TMEM132C: variants seen among roughly 807,000 people sequenced by gnomAD.
TMEM132C encodes protein phosphatase 1, regulatory subunit 152.
A neutral mutation model predicts 61.4 loss-of-function variants in TMEM132C; 29 were observed. The ratio of observed to expected loss-of-function variants is 0.47; its 90% CI spans 0.35 to 0.64. TMEM132C has a LOEUF of 0.64. Ranked by LOEUF, TMEM132C falls within the 30% of genes least tolerant of loss-of-function variation. TMEM132C has a pLI of 0.00. For synonymous variants in TMEM132C, 656 were observed against 633.1 expected (o/e 1.04, Z -0.54); for missense variants, 1,408 against 1,476.9 (o/e 0.95, Z 0.76).
rs541496539 is a variant in TMEM132C, at chr12:128,326,771, C to T, written c.85+59284C>T. Among the ~76,000 whole-genome samples the T allele has an allele frequency of 6.6e-4, 92 of 139,380 alleles. 12 individuals are homozygous for T. Among genetic ancestry groups the T allele is most frequent in the African/African-American group, 3.0e-3 (88 of 29,392 alleles). 91.4% of individuals were successfully genotyped at this position (139,380 alleles called of 152,430 possible). On this transcript the variant is annotated intron_variant, in intron 1 of 8. Coordinates refer to ENST00000435159, the MANE Select transcript of TMEM132C (RefSeq NM_001136103.3). This position sits in a 1 kb window ranked among gnomAD's most constrained non-coding sequence, Gnocchi z 5.6. Reference sequence around the variant, plus strand: ...ATTCATCAGATGTCTTTATGGCTCCCACATCTCGTTACCGACTTCACAATA... The same window carrying T: ...ATTCATCAGATGTCTTTATGGCTCCTACATCTCGTTACCGACTTCACAATA...
At chr12:128,677,820 T>C (rs959042006) in intron 5 of TMEM132C, among the ~76,000 whole-genome samples, 4 of 152,222 alleles carry the variant, frequency 2.6e-5, no homozygotes, top group African/African-American at 4.8e-5. Context: ...CAGGGCACGA[T>C]ACTAGCTAAT....
At chr12:128,465,345 C>A (rs1432762707) in intron 2 of TMEM132C, among the ~76,000 whole-genome samples, 1 of 151,798 alleles carries the variant, frequency 6.6e-6, no homozygotes, top group Non-Finnish European at 1.5e-5. Flanking sequence ...ATTAAAGACG[C>A]CTGCCACCAC....
At chr12:128,467,946 C>T (rs926197318) in intron 2 of TMEM132C, among the ~76,000 whole-genome samples, 3 of 152,174 alleles carry the variant, frequency 2.0e-5, no homozygotes, top group Non-Finnish European at 4.4e-5. Flanking sequence ...ATCAATCAGA[C>T]GGTCATACAG....
chr12:128,700,166 C>T (rs923087514), intron 8 of TMEM132C, among the ~76,000 whole-genome samples: 1 of 152,166 alleles, frequency 6.6e-6, no homozygotes, highest in African/African-American at 2.4e-5. Flanking sequence ...CATCAGCTGA[C>T]AGTAATTGGT....
intron 2 of TMEM132C, among the ~76,000 whole-genome samples, chr12:128,493,705 C>G (rs1871834458): frequency 6.6e-6 from 1 of 152,084 alleles, no homozygotes; most frequent in Non-Finnish European, 1.5e-5. Context: ...GATTTTGTAC[C>G]TGAGACTTTG....
At chr12:128,404,510 T>C (rs142658583) in intron 1 of TMEM132C, 36 of 152,366 alleles carry the variant, frequency 2.4e-4, no homozygotes, top group African/African-American at 6.3e-4. Flanking sequence ...AGAATCTATC[T>C]CTGGTCAACA....
At chr12:128,673,539 G>A (rs955453) in intron 5 of TMEM132C, among the ~76,000 whole-genome samples, 1,706 of 152,350 alleles carry the variant, frequency 0.011, 39 homozygotes, top group African/African-American at 0.039. Context: ...TACTGGGCCT[G>A]AAGCTCCAGA....
chr12:128,513,759 T>C (rs1872636955), intron 2 of TMEM132C, among the ~76,000 whole-genome samples: 4 of 152,214 alleles, frequency 2.6e-5, no homozygotes, highest in Admixed American at 2.6e-4. Context: ...ATGAGGACTT[T>C]TCCTTTAATT....
At chr12:128,346,620 C>T (rs958041979) in intron 1 of TMEM132C, among the ~76,000 whole-genome samples, 2 of 151,978 alleles carry the variant, frequency 1.3e-5, no homozygotes, top group African/African-American at 4.8e-5. Context: ...CCTTCATATC[C>T]CTAGTTACCT....
At chr12:128,533,466 C>A (rs1873403983) in intron 2 of TMEM132C, among the ~76,000 whole-genome samples, 1 of 152,144 alleles carries the variant, frequency 6.6e-6, no homozygotes, top group Non-Finnish European at 1.5e-5. Context: ...TCTCACAGTT[C>A]TGGAAGCTGG....
At chr12:128,591,269 C>A (rs1418657148) in intron 3 of TMEM132C, among the ~76,000 whole-genome samples, 2 of 152,044 alleles carry the variant, frequency 1.3e-5, no homozygotes, top group Non-Finnish European at 2.9e-5. Flanking sequence ...CAGTCACACC[C>A]CTCCCCGCCT....
intron 3 of TMEM132C, among the ~76,000 whole-genome samples, chr12:128,556,480 T>A (rs59112532): frequency 0.061 from 9,209 of 152,120 alleles, 699 homozygotes; most frequent in East Asian, 0.19. Flanking sequence ...TGACACTCTG[T>A]GTTATAGGTT....
chr12:128,704,993 GTCCTGCTCCCTGTT>G (rs1306870134), intron 8 of TMEM132C, 83 bp from the exon 9 acceptor site: 1 of 1,359,988 alleles, frequency 7.4e-7, no homozygotes, highest in Admixed American at 2.8e-5. Flanking sequence ...TGGATTTGAG[GTCCTGCTCCCTGTT>G]TCATTGGGCG....
chr12:128,680,392 C>A (rs1954625461), intron 5 of TMEM132C, among the ~76,000 whole-genome samples: 1 of 152,228 alleles, frequency 6.6e-6, no homozygotes, highest in African/African-American at 2.4e-5. Flanking sequence ...CCAGCAGGCT[C>A]AGGCAAGTAT....
chr12:128,554,086 CT>C (rs1227326777), intron 3 of TMEM132C, among the ~76,000 whole-genome samples: 1 of 152,260 alleles, frequency 6.6e-6, no homozygotes, highest in Non-Finnish European at 1.5e-5. Context: ...TGCACGTTGC[CT>C]TTTGGAAACC....
chr12:128,425,028 G>T (rs191621015), intron 2 of TMEM132C, among the ~76,000 whole-genome samples: 1 of 152,368 alleles, frequency 6.6e-6, no homozygotes, highest in Non-Finnish European at 1.5e-5. Context: ...GTTGAAGGTA[G>T]CACACTTCTG....
chr12:128,311,955 C>T (rs1004543379), intron 1 of TMEM132C, among the ~76,000 whole-genome samples: 84 of 152,316 alleles, frequency 5.5e-4, no homozygotes, highest in African/African-American at 1.9e-3. Context: ...AGATTGGGTT[C>T]ATCAGGATGC....
intron 1 of TMEM132C, among the ~76,000 whole-genome samples, chr12:128,291,640 C>A (rs1351021360): frequency 6.6e-6 from 1 of 152,184 alleles, no homozygotes; most frequent in Non-Finnish European, 1.5e-5. Flanking sequence ...CTGGAGCAAT[C>A]CCACTCAATA....
intron 3 of TMEM132C, among the ~76,000 whole-genome samples, chr12:128,560,000 C>A (rs1593100187): frequency 6.6e-6 from 1 of 152,354 alleles, no homozygotes; most frequent in East Asian, 1.9e-4. Context: ...ATAATCCCAG[C>A]ACTTTGGGAG....
Sources: allele counts gnomAD v4.1 joint callset (sites outside exome capture counted in the v4.1 genomes callset), GRCh38; gene constraint gnomAD v4.1.1; non-coding constraint Gnocchi (gnomAD v3.1); transcripts MANE v1.5; gene names NCBI Gene and HGNC (gene_info 2026-07-23, HGNC 2026-07-21).